Variants in BRD9 observed in about 807,000 individuals in gnomAD.
BRD9 encodes bromodomain containing 9.
Under a neutral mutation model 68.7 loss-of-function variants are expected in BRD9, and 47 were observed. The ratio of observed to expected loss-of-function variants is 0.68; its 90% CI spans 0.54 to 0.87. The LOEUF (loss-of-function observed/expected upper bound fraction) is 0.87, where lower values mean the gene tolerates loss of function less well. BRD9 is among the 40% of genes least tolerant of loss of function. The pLI is 0.00. For missense variants in BRD9, 670 were observed against 748.4 expected, an observed-to-expected ratio of 0.90 and a Z score of 1.22; for synonymous variants, 313 against 293.9, an observed-to-expected ratio of 1.06 and a Z score of -0.67.
At chr5:891,379 C>G (rs1753368232) in intron 2 of BRD9, 92 bp from the exon 3 acceptor site, 3 of 1,479,130 alleles carry the variant, frequency 2.0e-6, no homozygotes, top group Non-Finnish European at 1.8e-6. Flanking sequence ...AGGGGAGGGA[C>G]AGAACTAAGG....
At chr5:883,257 C>T in intron 8 of BRD9, 1 of 446,862 alleles carries the variant, frequency 2.2e-6, no homozygotes, top group Non-Finnish European at 4.5e-6. Flanking sequence ...TGAAAAAAAC[C>T]CATAAAGCTC....
Position 892,295 on chromosome 5 carries a change from G to A in BRD9, c.52+311C>T, listed in dbSNP as rs943555908. 1.3e-4 allele frequency: 67 copies of A among 522,542 alleles called. No individual in the cohort carries two copies. The East Asian group carries it at 2.4e-3, about 19-fold the overall frequency. 32.4% of individuals were successfully genotyped at this position (522,542 alleles called of 1,614,324 possible). A position where few individuals can be genotyped will look rare whatever the true frequency, so the allele number is the denominator to read the frequency against. On this transcript the variant is annotated intron_variant, in intron 1 of 15. Coordinates refer to ENST00000467963, the MANE Select transcript of BRD9 (RefSeq NM_023924.5). Reference sequence around the variant, plus strand: ...GAGGGAGGGAAAGGCGGGAGAAAGGGCAGCCCAGCTTCTCCCTGAGCTCCA... The same window carrying A: ...GAGGGAGGGAAAGGCGGGAGAAAGGACAGCCCAGCTTCTCCCTGAGCTCCA...
chr5:869,641 T>G (rs575645776), intron 14 of BRD9, among the ~76,000 whole-genome samples: 36 of 152,354 alleles, frequency 2.4e-4, no homozygotes, highest in African/African-American at 8.7e-4. Context: ...TTCATCTATG[T>G]GACAAGAACC....
At chr5:875,478 G>C (rs968863746) in intron 12 of BRD9, among the ~76,000 whole-genome samples, 4 of 151,916 alleles carry the variant, frequency 2.6e-5, no homozygotes, top group African/African-American at 9.7e-5. Context: ...CTCCCGAGTA[G>C]CTGGGACTAC....
chr5:876,339 G>C, intron 11 of BRD9, 127 bp from the exon 12 acceptor site: 5 of 638,460 alleles, frequency 7.8e-6, no homozygotes, highest in Non-Finnish European at 1.4e-5. Context: ...CCCAGAGCGG[G>C]TATTTTGTGG....
chr5:870,860 G>C (rs1411680075), intron 13 of BRD9, among the ~76,000 whole-genome samples: 1 of 152,190 alleles, frequency 6.6e-6, no homozygotes, highest in African/African-American at 2.4e-5. Context: ...AATTGGGGAG[G>C]GACATTATGC....
In BRD9 at chr5:892,339, T is replaced by C. The variant is rs1197691214; in HGVS notation, c.52+267A>G. 3 of 722,892 alleles carry C rather than the reference T, an allele frequency of 4.2e-6. No homozygotes were observed. The African/African-American group carries it at 5.6e-5, about 14-fold the overall frequency. The allele number at this position is 722,892 out of a possible 1,614,324, so 44.8% of individuals were successfully genotyped here. On this transcript the variant is annotated intron_variant, in intron 1 of 15. Coordinates refer to ENST00000467963, the MANE Select transcript of BRD9 (RefSeq NM_023924.5). ...AGCTCCACACAAAAGCCAGCACAGA[T>C]GCTTCCCTAGTCTCCAGGACCGGGG... is the stretch of plus-strand genomic sequence containing the variant.
rs1046115311 is a variant in BRD9, at chr5:863,841, A to C, written c.*627T>G. 1 of 152,200 alleles carries C rather than the reference A, an allele frequency of 6.6e-6. No individual in the cohort carries two copies. The allele number at this position is 152,200 out of a possible 1,614,324, so 9.4% of individuals were successfully genotyped here. A position where few individuals can be genotyped will look rare whatever the true frequency, so the allele number is the denominator to read the frequency against. ...TCATCAATTAAACAGAAAACAGGGG[A>C]GCTCTCCTCACCCCAGCCTGGCCCT... On this transcript the variant is annotated 3_prime_UTR_variant, in exon 16 of 16. Coordinates refer to ENST00000467963, the MANE Select transcript of BRD9 (RefSeq NM_023924.5).
At position 887,345 on chromosome 5, in the gene BRD9, C is replaced by T; in HGVS notation, c.717+16G>A. The T allele has an allele frequency of 3.8e-6, 6 of 1,593,376 alleles. No homozygotes were observed. The highest frequency in any genetic ancestry group is 5.2e-6 in the Non-Finnish European group (6 of 1,162,020). ...CCCTGCTTTCCGTAGCTCGCTGCTGCCAGTGAGTTTCTTACTTTGCTCATC... is the reference window on the plus strand; with the variant it reads ...CCCTGCTTTCCGTAGCTCGCTGCTGTCAGTGAGTTTCTTACTTTGCTCATC... On this transcript the variant is annotated intron_variant, in intron 6 of 15. Coordinates refer to ENST00000467963, the MANE Select transcript of BRD9 (RefSeq NM_023924.5).
chr5:877,957 G>A (rs971168562), intron 11 of BRD9, among the ~76,000 whole-genome samples: 11 of 152,226 alleles, frequency 7.2e-5, no homozygotes, highest in Non-Finnish European at 1.3e-4. Context: ...AGGCCCAGGA[G>A]AGAGGGCTCG....
intron 7 of BRD9, among the ~76,000 whole-genome samples, chr5:885,275 C>T (rs770791098): frequency 5.3e-5 from 8 of 152,210 alleles, no homozygotes; most frequent in Admixed American, 2.6e-4. Context: ...GACTGTCGTC[C>T]GTTGCCAAGC....
At chr5:870,642 C>G in intron 13 of BRD9, 67 bp from the exon 14 acceptor site, 1 of 1,117,148 alleles carries the variant, frequency 9.0e-7, no homozygotes, top group Admixed American at 1.8e-5. Context: ...TTACTTCACA[C>G]TCGCTATTGA....
Position 884,003 on chromosome 5 carries a change from C to G in BRD9, c.901G>C (p.Ala301Pro). The G allele has an allele frequency of 6.2e-7, 1 of 1,613,862 alleles. No individual in the cohort carries two copies. The highest frequency in any genetic ancestry group is 8.5e-7 in the Non-Finnish European group (1 of 1,180,032). Reference sequence around the variant, plus strand: ...TCGTCAGCTGCGTGCTCCACCAGCGCCAGCACGTGCTCCTCTGCGGTACTG... The same window carrying G: ...TCGTCAGCTGCGTGCTCCACCAGCGGCAGCACGTGCTCCTCTGCGGTACTG... ...TDSTAEEHVLALVEHAADEAR... is the reference protein window; with the variant it reads ...TDSTAEEHVLPLVEHAADEAR... The change falls in exon 8 of 16, where the codon GCG becomes CCG. Residue 301 changes from alanine to proline, a missense_variant. Transcript: ENST00000467963.
chr5:886,898 C>T (rs939737989), intron 6 of BRD9, 191 bp from the exon 7 acceptor site: 6 of 1,022,400 alleles, frequency 5.9e-6, no homozygotes, highest in African/African-American at 4.9e-5. Flanking sequence ...GGCGGAGCAG[C>T]GGGAGGTGGT....
chr5:887,218 T>C (rs542589105), intron 6 of BRD9, 143 bp downstream of exon 6: 34 of 692,384 alleles, frequency 4.9e-5, no homozygotes, highest in Admixed American at 1.0e-4. Flanking sequence ...GCCGGGGACG[T>C]CTACCCTAGA....
chr5:892,465 G>C, intron 1 of BRD9, 141 bp downstream of exon 1: 2 of 1,422,160 alleles, frequency 1.4e-6, no homozygotes, highest in Non-Finnish European at 1.8e-6. Context: ...GAAATCCCAG[G>C]ACCCCCTCCC....
intron 5 of BRD9, chr5:888,198 G>C (rs952091326): frequency 6.5e-6 from 1 of 152,674 alleles, no homozygotes; most frequent in East Asian, 1.9e-4. Flanking sequence ...ACTCCACTGC[G>C]GACACTCCAC....
intron 8 of BRD9, chr5:883,515 G>A (rs1251074105): frequency 4.5e-6 from 2 of 442,624 alleles, no homozygotes; most frequent in Non-Finnish European, 9.1e-6. Flanking sequence ...TCTGTGGCAG[G>A]AGCCACGTGA....
intron 4 of BRD9, 125 bp from the exon 5 acceptor site, chr5:889,290 G>A (rs565773618): frequency 3.3e-5 from 36 of 1,098,694 alleles, no homozygotes; most frequent in South Asian, 1.4e-4. Context: ...AGTTACGAGC[G>A]TCTTTTAATT....
Sources: allele counts gnomAD v4.1 joint callset (sites outside exome capture counted in the v4.1 genomes callset), GRCh38; gene constraint gnomAD v4.1.1; transcripts MANE v1.5; gene names NCBI Gene and HGNC (gene_info 2026-07-23, HGNC 2026-07-21).